FRK: variants seen among roughly 807,000 people sequenced by gnomAD.
FRK encodes the protein fyn related Src family tyrosine kinase.
FRK carries 51 observed loss-of-function variants against 56.4 expected under a neutral mutation model. That is an observed-to-expected ratio of 0.90 (90% CI 0.72 to 1.14). FRK has a LOEUF of 1.14. Ranked by LOEUF, FRK falls within the 50% of genes most tolerant of loss-of-function variation. FRK has a pLI of 0.00. For missense variants in FRK, 570 were observed against 601.4 expected (o/e 0.95, Z 0.55); for synonymous variants, 245 against 217.9 (o/e 1.12, Z -1.10).
At chr6:116,064,271 G>A (rs1396475053), upstream of FRK, among the ~76,000 whole-genome samples, 1 of 152,102 alleles carries the variant, frequency 6.6e-6, no homozygotes, top group Admixed American at 6.5e-5. Context: ...AGGCCTCTAT[G>A]CACCCCTAAA....
At chr6:116,056,992 G>A (rs769310984) in intron 1 of FRK, among the ~76,000 whole-genome samples, 3 of 152,112 alleles carry the variant, frequency 2.0e-5, no homozygotes, top group Non-Finnish European at 4.4e-5. Flanking sequence ...AAGTATAAAA[G>A]AAAACAAACA....
At chr6:116,006,703 G>C (rs902757329) in intron 1 of FRK, among the ~76,000 whole-genome samples, 1 of 152,306 alleles carries the variant, frequency 6.6e-6, no homozygotes, top group East Asian at 1.9e-4. Context: ...TGCACCTATA[G>C]TCACAGGAAC....
chr6:115,945,376 TA>T (rs2114517897), intron 5 of FRK, among the ~76,000 whole-genome samples: 1 of 152,230 alleles, frequency 6.6e-6, no homozygotes, highest in Admixed American at 6.5e-5. Flanking sequence ...CAGCATCTGT[TA>T]TTTTTTTACT....
At chr6:116,020,031 A>G (rs9488826) in intron 1 of FRK, among the ~76,000 whole-genome samples, 57 of 152,322 alleles carry the variant, frequency 3.7e-4, no homozygotes, top group African/African-American at 1.3e-3. Flanking sequence ...GCTATTACCA[A>G]TAATAAATTA....
In FRK at chr6:115,972,232, C is replaced by T. The variant is rs560172073; in HGVS notation, c.467-3493G>A. Among the ~76,000 whole-genome samples the T allele has an allele frequency of 1.1e-3, 162 of 152,322 alleles. 3 individuals carry two copies. Among genetic ancestry groups the T allele is most frequent in the Non-Finnish European group, 5.9e-5 (4 of 68,020 alleles). On this transcript the variant is annotated intron_variant, in intron 2 of 7. Transcript: ENST00000606080. ...ACTGTCCATCTACAGTGCCATGGCA[C>T]TTTTGCTCATTAGGAGACCCACTTA...
the FRK span, among the ~76,000 whole-genome samples, chr6:116,100,289 A>G: frequency 2.6e-5 from 4 of 152,350 alleles, no homozygotes; most frequent in East Asian, 3.9e-4. Context: ...ACTCCAGGGT[A>G]TGAAATAGTG....
chr6:116,079,807 G>A, the FRK span, among the ~76,000 whole-genome samples: 2 of 152,052 alleles, frequency 1.3e-5, no homozygotes, highest in Non-Finnish European at 2.9e-5. Flanking sequence ...AAACTCCTGA[G>A]TTCAAACAAT....
At chr6:115,971,535 C>T (rs1773805846) in intron 2 of FRK, among the ~76,000 whole-genome samples, 1 of 152,134 alleles carries the variant, frequency 6.6e-6, no homozygotes, top group South Asian at 2.1e-4. Context: ...TAATTAAAGC[C>T]TACACCTTTC....
chr6:116,079,622 G>T, the FRK span, among the ~76,000 whole-genome samples: 1 of 151,860 alleles, frequency 6.6e-6, no homozygotes, highest in South Asian at 2.1e-4. Flanking sequence ...ACAGAATCTT[G>T]CTCTGTCACC....
intron 5 of FRK, among the ~76,000 whole-genome samples, chr6:115,952,442 G>A (rs1772801291): frequency 6.6e-6 from 1 of 151,852 alleles, no homozygotes; most frequent in African/African-American, 2.4e-5. Flanking sequence ...GAGAGGATGT[G>A]GAGAAATAGG....
intron 1 of FRK, among the ~76,000 whole-genome samples, chr6:116,020,873 G>T (rs1260643583): frequency 6.6e-6 from 1 of 151,976 alleles, no homozygotes; most frequent in Non-Finnish European, 1.5e-5. Context: ...ACATCCAGCT[G>T]CAACAATTAT....
At chr6:116,078,256 T>C in the FRK span, among the ~76,000 whole-genome samples, 10 of 152,188 alleles carry the variant, frequency 6.6e-5, no homozygotes, top group Non-Finnish European at 7.3e-5. Flanking sequence ...GTTATGAACG[T>C]GGGAGGATTT....
chr6:115,958,716 A>AAAGAAAGAAGGAAGG (rs1773166734), intron 4 of FRK, among the ~76,000 whole-genome samples: 1 of 20,266 alleles, frequency 4.9e-5, no homozygotes. Flanking sequence ...AGAAAGAAAG[A>AAAGAAAGAAGGAAGG]AAGAAAGAAA....
chr6:116,065,744 T>C (rs1393585765), upstream of FRK, among the ~76,000 whole-genome samples: 1 of 152,248 alleles, frequency 6.6e-6, no homozygotes, highest in Non-Finnish European at 1.5e-5. Context: ...GATCTCTTTA[T>C]GTACTTAATG....
At chr6:115,956,048 T>C (rs1418106108) in intron 5 of FRK, among the ~76,000 whole-genome samples, 1 of 152,220 alleles carries the variant, frequency 6.6e-6, no homozygotes, top group Non-Finnish European at 1.5e-5. Context: ...CATAGGATAC[T>C]TCCCTCCCTT....
chr6:115,980,983 T>C (rs1562268947), intron 2 of FRK, among the ~76,000 whole-genome samples: 1 of 152,154 alleles, frequency 6.6e-6, no homozygotes, highest in Non-Finnish European at 1.5e-5. Flanking sequence ...CTATATTTTA[T>C]ATTATGTTTC....
In FRK at chr6:115,956,617, CAAG is replaced by C; in HGVS notation, c.800-10_800-8del. The C allele has an allele frequency of 6.5e-7, 1 of 1,534,674 alleles. No individual in the cohort carries two copies. The highest frequency in any genetic ancestry group is 8.8e-7 in the Non-Finnish European group (1 of 1,140,528). On this transcript the variant is annotated splice_polypyrimidine_tract_variant and splice_region_variant and intron_variant, in intron 4 of 7. Coordinates refer to ENST00000606080, the MANE Select transcript of FRK (RefSeq NM_002031.3). The stretch of plus-strand genomic sequence containing the variant: ...TCATTTGGATCCATTGAACCTGAAA[CAAG>C]AAGAGGGAGAAATCACTTTATGTTA...
intron 2 of FRK, among the ~76,000 whole-genome samples, chr6:115,979,020 C>G (rs957119356): frequency 2.0e-5 from 3 of 150,092 alleles, no homozygotes; most frequent in Non-Finnish European, 4.4e-5. Context: ...CACCACTGTA[C>G]TCTAGCGTGG....
intron 1 of FRK, among the ~76,000 whole-genome samples, chr6:116,011,621 C>G (rs1562284839): frequency 6.6e-6 from 1 of 152,204 alleles, no homozygotes; most frequent in East Asian, 1.9e-4. Flanking sequence ...CACAGTTACA[C>G]ATGTTATAAT....
Sources: allele counts gnomAD v4.1 joint callset (sites outside exome capture counted in the v4.1 genomes callset), GRCh38; gene constraint gnomAD v4.1.1; transcripts MANE v1.5; gene names NCBI Gene and HGNC (gene_info 2026-07-23, HGNC 2026-07-21).